The following NEGR1 variants were observed in gnomAD, a reference collection of about 807,000 sequenced individuals.
NEGR1 encodes the protein neuronal growth regulator 1, also known as IgLON family member 4.
NEGR1 carries 10 observed loss-of-function variants against 40.9 expected under a neutral mutation model. That is an observed-to-expected ratio of 0.24 (90% CI 0.15 to 0.42). The LOEUF (loss-of-function observed/expected upper bound fraction) is 0.42. Among genes scored for constraint, NEGR1 ranks in the 10% least tolerant of loss-of-function variants. The pLI is 1.00. For synonymous variants in NEGR1, 185 were observed against 166.8 expected (o/e 1.11, Z -0.84); for missense variants, 352 against 438.9 (o/e 0.80, Z 1.77).
intron 4 of NEGR1, among the ~76,000 whole-genome samples, chr1:71,632,364 T>C (rs1200030671): frequency 6.6e-6 from 1 of 151,344 alleles, no homozygotes; most frequent in Non-Finnish European, 1.5e-5. Flanking sequence ...TATCATAATC[T>C]CCAAAATAAT....
At chr1:72,003,612 TTTG>T (rs1267717195) in intron 1 of NEGR1, among the ~76,000 whole-genome samples, 1 of 139,504 alleles carries the variant, frequency 7.2e-6, no homozygotes, top group Non-Finnish European at 1.5e-5. Context: ...AGGATTAAAT[TTTG>T]TTTTTAGACC....
intron 2 of NEGR1, among the ~76,000 whole-genome samples, chr1:71,803,374 A>T (rs543304723): frequency 6.6e-6 from 1 of 152,214 alleles, no homozygotes; most frequent in East Asian, 1.9e-4. Context: ...TAGTTAAGTC[A>T]CTCAGTCTTT....
chr1:71,508,358 C>T (rs1358454047), intron 6 of NEGR1, among the ~76,000 whole-genome samples: 1 of 152,130 alleles, frequency 6.6e-6, no homozygotes, highest in Non-Finnish European at 1.5e-5. Flanking sequence ...GTGGAAAGTG[C>T]ACGGGTCACC....
chr1:71,721,390 A>G (rs1654506677), intron 3 of NEGR1, among the ~76,000 whole-genome samples: 1 of 152,148 alleles, frequency 6.6e-6, no homozygotes, highest in Admixed American at 6.6e-5. Context: ...AAACTGAATG[A>G]CAAAACATTC....
intron 1 of NEGR1, among the ~76,000 whole-genome samples, chr1:71,937,669 G>C (rs1250661299): frequency 6.6e-6 from 1 of 152,142 alleles, no homozygotes; most frequent in South Asian, 2.1e-4. Context: ...GCAGATCAAA[G>C]ACTTTTAAAA....
intron 4 of NEGR1, among the ~76,000 whole-genome samples, chr1:71,614,262 T>C (rs1295379219): frequency 6.6e-6 from 1 of 151,916 alleles, no homozygotes; most frequent in Non-Finnish European, 1.5e-5. Context: ...CAGTTTTATA[T>C]ATATATAAAT....
intron 1 of NEGR1, among the ~76,000 whole-genome samples, chr1:72,220,914 GTTT>G (rs3082236): frequency 1.3e-4 from 18 of 140,800 alleles, no homozygotes; most frequent in African/African-American, 4.6e-4. Context: ...CCTACCTAAA[GTTT>G]TTTTTTTTTT....
At chr1:71,782,419 C>T (rs745495973) in intron 2 of NEGR1, among the ~76,000 whole-genome samples, 2 of 152,122 alleles carry the variant, frequency 1.3e-5, no homozygotes, top group Non-Finnish European at 2.9e-5. Flanking sequence ...TAATTATTTG[C>T]ACCCATAACT....
At chr1:72,145,545 A>C (rs1057108318) in intron 1 of NEGR1, among the ~76,000 whole-genome samples, 2 of 152,086 alleles carry the variant, frequency 1.3e-5, no homozygotes, top group Admixed American at 6.6e-5. Flanking sequence ...GCTTTTCTAC[A>C]TTGTTTTTGT....
intron 1 of NEGR1, among the ~76,000 whole-genome samples, chr1:71,987,305 C>T (rs2100350359): frequency 6.6e-6 from 1 of 152,236 alleles, no homozygotes; most frequent in Middle Eastern, 3.4e-3. Flanking sequence ...TCAATCAAGG[C>T]CTGGTGCCAG....
chr1:71,838,487 A>G (rs1431668049), intron 2 of NEGR1, among the ~76,000 whole-genome samples: 1 of 152,164 alleles, frequency 6.6e-6, no homozygotes, highest in Non-Finnish European at 1.5e-5. Context: ...AGCTTTGACT[A>G]AGGTAAAAGT....
intron 6 of NEGR1, among the ~76,000 whole-genome samples, chr1:71,585,793 A>G (rs1649288216): frequency 6.6e-6 from 1 of 151,620 alleles, no homozygotes; most frequent in Non-Finnish European, 1.5e-5. Flanking sequence ...AATGATATAC[A>G]TAGTGCATTA....
chr1:71,621,000 T>G (rs2101552987), intron 4 of NEGR1, among the ~76,000 whole-genome samples: 1 of 152,044 alleles, frequency 6.6e-6, no homozygotes, highest in East Asian at 1.9e-4. Flanking sequence ...TGCTTTGCAC[T>G]GAGTTAGTTG....
At chr1:71,438,540 T>C (rs1395315686) in intron 6 of NEGR1, among the ~76,000 whole-genome samples, 1 of 152,164 alleles carries the variant, frequency 6.6e-6, no homozygotes, top group Non-Finnish European at 1.5e-5. Flanking sequence ...TTTAGGTGTT[T>C]TAGGATTTTT....
At chr1:72,220,154 T>C (rs547699454) in intron 1 of NEGR1, among the ~76,000 whole-genome samples, 2 of 152,024 alleles carry the variant, frequency 1.3e-5, no homozygotes, top group Admixed American at 6.6e-5. Context: ...TAGTTACAAT[T>C]ACCAATTAAA....
chr1:71,645,503 G>A (rs1651500189), intron 4 of NEGR1, among the ~76,000 whole-genome samples: 1 of 151,736 alleles, frequency 6.6e-6, no homozygotes, highest in Non-Finnish European at 1.5e-5. Context: ...TGAATAAGGG[G>A]ATTTTTCTCA....
intron 2 of NEGR1, among the ~76,000 whole-genome samples, chr1:71,792,571 C>G (rs1485024941): frequency 6.6e-6 from 1 of 152,014 alleles, no homozygotes; most frequent in African/African-American, 2.4e-5. Flanking sequence ...ACAACAGTGA[C>G]TATGGTTGAT....
intron 1 of NEGR1, among the ~76,000 whole-genome samples, chr1:72,063,248 C>G (rs370893016): frequency 6.6e-6 from 1 of 151,820 alleles, no homozygotes; most frequent in Admixed American, 6.6e-5. Flanking sequence ...TTCTAATCCT[C>G]TAAATTTCCT....
At chr1:71,859,248 C>T (rs1659871652) in intron 2 of NEGR1, among the ~76,000 whole-genome samples, 1 of 152,056 alleles carries the variant, frequency 6.6e-6, no homozygotes, top group Non-Finnish European at 1.5e-5. Flanking sequence ...CCAGAACATT[C>T]TGAGCATGCT....
Sources: allele counts gnomAD v4.1 joint callset (sites outside exome capture counted in the v4.1 genomes callset), GRCh38; gene constraint gnomAD v4.1.1; transcripts MANE v1.5; gene names NCBI Gene and HGNC (gene_info 2026-07-23, HGNC 2026-07-21).